The following DENND2C variants were observed in gnomAD, a reference collection of about 807,000 sequenced individuals.
DENND2C encodes DENN domain-containing protein 2C.
In DENND2C, 72 loss-of-function variants were observed where a neutral mutation model predicts 112.4. The ratio of observed to expected loss-of-function variants is 0.64; its 90% confidence interval spans 0.53 to 0.78. The LOEUF (loss-of-function observed/expected upper bound fraction) is 0.78, where lower values mean the gene tolerates loss of function less well. Ranked by LOEUF, DENND2C falls within the 30% of genes least tolerant of loss-of-function variation. DENND2C has a pLI of 0.00. For missense variants in DENND2C, 992 were observed against 1,113.8 expected (o/e 0.89, Z 1.56); for synonymous variants, 329 against 381.6 (o/e 0.86, Z 1.61).
chr1:114,587,377 A>G lies in DENND2C; in HGVS notation c.2755+10T>C. 2 of 1,614,152 alleles carry G rather than the reference A, an allele frequency of 1.2e-6. No homozygotes were observed. The highest frequency in any genetic ancestry group is 2.2e-5 in the East Asian group (1 of 44,876). ...CCACATTTATCTAACAGGAAAACAC[A>G]GCAACTAACCAAGACTCCGCAAAAT... On this transcript the variant is annotated intron_variant, in intron 20 of 20. Coordinates refer to ENST00000393274, the MANE Select transcript of DENND2C (RefSeq NM_001256404.2).
At chr1:114,587,609 T>A (rs1655074464) in intron 19 of DENND2C, 107 bp downstream of exon 19, 2 of 1,414,800 alleles carry the variant, frequency 1.4e-6, no homozygotes, top group East Asian at 2.3e-5. Flanking sequence ...AATAAACAAC[T>A]CAGATTTTAA....
Position 114,606,577 on chromosome 1 carries a change from A to G in DENND2C, c.1558-1546T>C, listed in dbSNP as rs544402020. 8.5e-5 allele frequency among the ~76,000 whole-genome samples: 13 copies of G among 152,384 alleles called. No individual in the cohort carries two copies. The South Asian group carries it at 2.7e-3, about 32-fold the overall frequency. ...ATCACTCCTTACTAAGGAAAACTACATAATTCAGATAGCATAATGCAAAAT... is the reference window on the plus strand; with the variant it reads ...ATCACTCCTTACTAAGGAAAACTACGTAATTCAGATAGCATAATGCAAAAT... On this transcript the variant is annotated intron_variant, in intron 10 of 20. Coordinates refer to ENST00000393274, the MANE Select transcript of DENND2C (RefSeq NM_001256404.2).
chr1:114,587,832 G>A lies in DENND2C; in HGVS notation c.2552C>T (p.Pro851Leu). 6.2e-7 allele frequency: 1 copy of A among 1,614,076 alleles called. No homozygotes were observed. The highest frequency in any genetic ancestry group is 8.5e-7 in the Non-Finnish European group (1 of 1,180,022). Reference protein sequence around the residue: ...ERGERVFQREPFRKSHTSRSV... With the variant: ...ERGERVFQRELFRKSHTSRSV... ...TCGGGAGGTGTGGGACTTACGGAAT[G>A]GTTCCCTTTGGAAAACACGCTCCCC... Residue 851 changes from proline (P) to leucine (L), a missense_variant, in exon 19 of 21, where the codon CCA becomes CTA. Pro to Leu is a moderately conservative substitution (Grantham distance 98, BLOSUM62 -3). Transcript: ENST00000393274.
intron 3 of DENND2C, among the ~76,000 whole-genome samples, chr1:114,635,989 G>C (rs1198419851): frequency 6.6e-6 from 1 of 151,568 alleles, no homozygotes; most frequent in East Asian, 1.9e-4. Flanking sequence ...CTGGGCAACA[G>C]AGCAAGACTC....
intron 10 of DENND2C, among the ~76,000 whole-genome samples, chr1:114,605,548 T>C (rs938911120): frequency 6.6e-6 from 1 of 152,184 alleles, no homozygotes; most frequent in African/African-American, 2.4e-5. Context: ...TCCCAGCACT[T>C]TGGGAGCCCA....
chr1:114,617,748 G>A lies in DENND2C; in HGVS notation c.1324+638C>T, dbSNP rs1385196904. Among the ~76,000 whole-genome samples the A allele has an allele frequency of 9.4e-5, 14 of 148,290 alleles. No individual in the cohort carries two copies. The East Asian group carries it at 1.8e-3, about 19-fold the overall frequency. ...AAATATCCTCAGAGAAAAAAAAAAA[G>A]ACTAATGTTTTCCTAGCTACAACAA... On this transcript the variant is annotated intron_variant, in intron 8 of 20. Coordinates refer to ENST00000393274, the MANE Select transcript of DENND2C (RefSeq NM_001256404.2).
intron 1 of DENND2C, among the ~76,000 whole-genome samples, chr1:114,667,083 AC>A (rs1657666523): frequency 6.6e-6 from 1 of 152,122 alleles, no homozygotes. Flanking sequence ...CATACCATAT[AC>A]TTGCACACTT....
intron 2 of DENND2C, among the ~76,000 whole-genome samples, chr1:114,650,323 T>TA (rs59883727): frequency 7.8e-4 from 110 of 140,218 alleles, no homozygotes; most frequent in African/African-American, 7.1e-4. Flanking sequence ...AATTCTGTCT[T>TA]AAAAAAAAAA....
rs1570756883 is a variant in DENND2C at position 114,595,705 on chromosome 1, A to C, written c.2325+127T>G. On this transcript the variant is annotated intron_variant, in intron 17 of 20. Coordinates refer to ENST00000393274, the MANE Select transcript of DENND2C (RefSeq NM_001256404.2). ...CATGATTGGCCATGGTGTCAATTCA[A>C]GTATGTGTAGGAACTAAAAGTTTTG... 4 of 826,650 alleles carry C rather than the reference A, an allele frequency of 4.8e-6. No individual in the cohort carries two copies. The East Asian group carries it at 1.0e-4, about 21-fold the overall frequency. 51.2% of individuals were successfully genotyped at this position (826,650 alleles called of 1,614,324 possible). A position where few individuals can be genotyped will look rare whatever the true frequency, so the allele number is the denominator to read the frequency against.
In DENND2C at chr1:114,651,432, A is replaced by G. The variant is rs1404997267; in HGVS notation, c.-317+3073T>C. On this transcript the variant is annotated intron_variant, in intron 2 of 20. Transcript: ENST00000393274. ...GCACCACTGCACTCCAGCCTGGGCA[A>G]TGGAGCAAGACTGTCCCTAAAAATA... 2.0e-5 allele frequency among the ~76,000 whole-genome samples: 3 copies of G among 152,236 alleles called. No homozygotes were observed. The South Asian group carries it at 6.2e-4, about 32-fold the overall frequency.
intron 3 of DENND2C, among the ~76,000 whole-genome samples, chr1:114,631,374 T>G (rs760343399): frequency 6.6e-6 from 1 of 151,474 alleles, no homozygotes; most frequent in Non-Finnish European, 1.5e-5. Context: ...TCTCAAAAAA[T>G]AAATTAAAAA....
intron 3 of DENND2C, among the ~76,000 whole-genome samples, chr1:114,633,866 G>A (rs963657441): frequency 1.3e-5 from 2 of 152,152 alleles, no homozygotes; most frequent in Non-Finnish European, 2.9e-5. Flanking sequence ...AATTTAAAAA[G>A]CAAGACCTAA....
intron 1 of DENND2C, among the ~76,000 whole-genome samples, chr1:114,669,546 C>A (rs1435329839): frequency 6.6e-6 from 1 of 152,128 alleles, no homozygotes; most frequent in Non-Finnish European, 1.5e-5. Flanking sequence ...CCAAAAAAAG[C>A]AAAATATTGT....
At chr1:114,656,016 T>C (rs947115320) in intron 1 of DENND2C, among the ~76,000 whole-genome samples, 2 of 151,984 alleles carry the variant, frequency 1.3e-5, no homozygotes, top group African/African-American at 4.8e-5. Context: ...TTGACTGATA[T>C]GTGGACTGTT....
chr1:114,607,791 C>T (rs1322020610), intron 10 of DENND2C, among the ~76,000 whole-genome samples: 1 of 152,148 alleles, frequency 6.6e-6, no homozygotes, highest in Non-Finnish European at 1.5e-5. Context: ...TTATTGAGTA[C>T]ATACTATGTG....
intron 10 of DENND2C, among the ~76,000 whole-genome samples, chr1:114,606,032 A>T (rs779856109): frequency 2.6e-5 from 4 of 152,168 alleles, no homozygotes; most frequent in African/African-American, 4.8e-5. Context: ...AAGTCTAATT[A>T]CCATATTGCC....
intron 1 of DENND2C, among the ~76,000 whole-genome samples, chr1:114,660,212 T>C (rs958793091): frequency 6.6e-6 from 1 of 152,216 alleles, no homozygotes; most frequent in Non-Finnish European, 1.5e-5. Context: ...TTTTAAAATG[T>C]TGGTTACTCA....
intron 1 of DENND2C, among the ~76,000 whole-genome samples, chr1:114,663,397 T>C (rs1657553124): frequency 6.6e-6 from 1 of 152,254 alleles, no homozygotes; most frequent in African/African-American, 2.4e-5. Flanking sequence ...AGTTAATCTA[T>C]TTCTCTGTAT....
chr1:114,622,148 C>G, intron 6 of DENND2C, 83 bp from the exon 7 acceptor site: 1 of 1,394,108 alleles, frequency 7.2e-7, no homozygotes, highest in Non-Finnish European at 9.5e-7. Flanking sequence ...GGGTCTTGCT[C>G]TGTCGCCCAG....
Sources: gnomAD v4.1 joint callset for allele counts (sites outside exome capture counted in the v4.1 genomes callset) on GRCh38, gnomAD v4.1.1 for gene constraint, MANE v1.5 for transcripts, NCBI Gene and HGNC (gene_info 2026-07-23, HGNC 2026-07-21) for gene names.